Variants in STAM observed in about 807,000 individuals in gnomAD.
STAM encodes the protein signal transducing adaptor molecule, also known as signal transducing adapter molecule 1.
STAM carries 16 observed loss-of-function variants against 63.4 expected under a neutral mutation model. That is an observed-to-expected ratio of 0.25 (90% confidence interval 0.17 to 0.38). The LOEUF (loss-of-function observed/expected upper bound fraction) is 0.38. Among genes scored for constraint, STAM ranks in the 10% least tolerant of loss-of-function variants. STAM has a pLI of 1.00. For synonymous variants in STAM, 238 were observed against 223.9 expected (o/e 1.06, Z -0.56); for missense variants, 636 against 657.1 (o/e 0.97, Z 0.35).
At chr10:17,666,271 A>G (rs1834371276) in intron 2 of STAM, among the ~76,000 whole-genome samples, 1 of 152,162 alleles carries the variant, frequency 6.6e-6, no homozygotes, top group Non-Finnish European at 1.5e-5. Flanking sequence ...TTGGTACTAA[A>G]TTTATTCTAA....
At chr10:17,707,146 A>G (rs1453000903) in intron 12 of STAM, among the ~76,000 whole-genome samples, 3 of 152,246 alleles carry the variant, frequency 2.0e-5, no homozygotes, top group Admixed American at 6.5e-5. Context: ...GCGGTGGCTC[A>G]TACCTGTAAT....
chr10:17,704,877 T>A (rs544199032), intron 10 of STAM, 93 bp from the exon 11 acceptor site: 1 of 1,088,864 alleles, frequency 9.2e-7, no homozygotes, highest in African/African-American at 1.6e-5. Flanking sequence ...CCAAATTAAA[T>A]CTTTTATTCC....
chr10:17,684,255 A>T (rs1291465850), intron 2 of STAM, among the ~76,000 whole-genome samples: 4 of 152,098 alleles, frequency 2.6e-5, no homozygotes, highest in African/African-American at 9.7e-5. Context: ...CTTCTTGGAT[A>T]TTATCATTCA....
At chr10:17,673,970 G>C (rs1401149091) in intron 2 of STAM, among the ~76,000 whole-genome samples, 1 of 152,156 alleles carries the variant, frequency 6.6e-6, no homozygotes, top group African/African-American at 2.4e-5. Context: ...TGATCTGTAG[G>C]ATGAGTAAGC....
intron 2 of STAM, 118 bp downstream of exon 2, chr10:17,660,666 G>T: frequency 1.5e-6 from 1 of 662,738 alleles, no homozygotes; most frequent in South Asian, 2.5e-5. Context: ...TGGGAGGATC[G>T]CTTGAGCCCA....
chr10:17,684,779 C>T (rs782654616), intron 3 of STAM, 29 bp downstream of exon 3: 21 of 1,613,200 alleles, frequency 1.3e-5, no homozygotes, highest in South Asian at 6.6e-5. Flanking sequence ...ATCTGTACCA[C>T]GAAATTACCT....
chr10:17,668,447 CT>C (rs1834489057), intron 2 of STAM, among the ~76,000 whole-genome samples: 1 of 152,172 alleles, frequency 6.6e-6, no homozygotes, highest in African/African-American at 2.4e-5. Flanking sequence ...TTACTATTAA[CT>C]AAAGTCCATA....
At position 17,695,108 on chromosome 10, in the gene STAM, C is replaced by G. The variant is rs782244307; in HGVS notation, c.595C>G (p.Pro199Ala). ...GTCAACCACCCTTTCCACTTTGTAT[C>G]CAAGCACATCCAGTCTCTTAACTAA... is the stretch of plus-strand genomic sequence containing the variant. ...QQSTTLSTLY[P>A]STSSLLTNHQ... The change falls in exon 7 of 14, where the codon CCA (proline) becomes GCA (alanine). Residue 199 changes from proline (P) to alanine (A), a missense_variant. By Grantham distance (27) the Pro-to-Ala change is conservative. Transcript: ENST00000377524. The G allele has an allele frequency of 1.1e-5, 17 of 1,613,934 alleles. No homozygotes were observed. Among genetic ancestry groups the G allele is most frequent in the Admixed American group, 3.3e-5 (2 of 60,006 alleles).
Position 17,714,591 on chromosome 10 carries a change from A to G in STAM, c.1434A>G (p.Pro478=). The G allele has an allele frequency of 6.2e-7, 1 of 1,614,192 alleles. No individual in the cohort carries two copies. The highest frequency in any genetic ancestry group is 8.5e-7 in the Non-Finnish European group (1 of 1,180,044). Residue 478 remains proline, a synonymous_variant, in exon 14 of 14, where the codon CCA becomes CCG. Transcript: ENST00000377524. ...GAAACACATATCCCAGCCAGGCGCC[A>G]GTATATAGTCCTCCTCCTGCCGCTA... ...VQGNTYPSQA[P]VYSPPPAATA...
At chr10:17,685,303 TGA>T (rs1403863042) in intron 4 of STAM, among the ~76,000 whole-genome samples, 1 of 152,192 alleles carries the variant, frequency 6.6e-6, no homozygotes. Flanking sequence ...ATGGCACCGT[TGA>T]GTTTTTATCT....
At chr10:17,673,675 G>T (rs145280352) in intron 2 of STAM, among the ~76,000 whole-genome samples, 44 of 152,232 alleles carry the variant, frequency 2.9e-4, no homozygotes, top group African/African-American at 9.9e-4. Flanking sequence ...GAAAAACCCC[G>T]CAAACCAACC....
At chr10:17,707,533 C>T (rs1281076435) in intron 12 of STAM, among the ~76,000 whole-genome samples, 7 of 152,148 alleles carry the variant, frequency 4.6e-5, no homozygotes, top group African/African-American at 1.7e-4. Context: ...GGCCAGCACC[C>T]TGTAGATGAA....
chr10:17,656,138 A>G (rs1833928815), intron 1 of STAM, among the ~76,000 whole-genome samples: 1 of 151,806 alleles, frequency 6.6e-6, no homozygotes, highest in East Asian at 1.9e-4. Context: ...CTAAAAATAC[A>G]AAAAAATTAG....
At chr10:17,649,293 C>T (rs561412863) in intron 1 of STAM, among the ~76,000 whole-genome samples, 5 of 151,442 alleles carry the variant, frequency 3.3e-5, no homozygotes, top group Non-Finnish European at 7.4e-5. Flanking sequence ...CCCATTTACT[C>T]GGGATGCTGA....
chr10:17,660,581 C>G (rs1335885684), intron 2 of STAM, 33 bp downstream of exon 2: 1 of 1,540,884 alleles, frequency 6.5e-7, no homozygotes, highest in African/African-American at 1.4e-5. Flanking sequence ...GATTTTTATT[C>G]TTTCTTTTTA....
At chr10:17,668,052 C>T (rs1564538853) in intron 2 of STAM, among the ~76,000 whole-genome samples, 1 of 152,162 alleles carries the variant, frequency 6.6e-6, no homozygotes, top group South Asian at 2.1e-4. Flanking sequence ...CAAGGTCCAT[C>T]GGAGTTAATA....
At chr10:17,682,239 G>A (rs1835117931) in intron 2 of STAM, among the ~76,000 whole-genome samples, 1 of 152,104 alleles carries the variant, frequency 6.6e-6, no homozygotes, top group Non-Finnish European at 1.5e-5. Context: ...AAATAGTATT[G>A]TCAGTACTCC....
intron 2 of STAM, among the ~76,000 whole-genome samples, chr10:17,675,587 A>G (rs868939878): frequency 6.6e-6 from 1 of 152,114 alleles, no homozygotes; most frequent in Non-Finnish European, 1.5e-5. Flanking sequence ...TTGGACAACT[A>G]TGTTTATGTC....
In STAM at chr10:17,644,278, C is replaced by T. The variant is rs1554820484; in HGVS notation, c.-62C>T. 1.9e-6 allele frequency: 3 copies of T among 1,586,154 alleles called. No homozygotes were observed. Among genetic ancestry groups the T allele is most frequent in the Non-Finnish European group, 2.6e-6 (3 of 1,155,182 alleles). On this transcript the variant is annotated 5_prime_UTR_variant, in exon 1 of 14. Transcript: ENST00000377524. ...GCCTGAGGAGTCTTCCATCCTACGT[C>T]GAGCTCTGACTCCCGTGCTGTCGAG...
Sources: gnomAD v4.1 joint callset for allele counts (sites outside exome capture counted in the v4.1 genomes callset) on GRCh38, gnomAD v4.1.1 for gene constraint, MANE v1.5 for transcripts, NCBI Gene and HGNC (gene_info 2026-07-23, HGNC 2026-07-21) for gene names.